Variants in ARHGAP15 observed in about 807,000 individuals in gnomAD.
ARHGAP15 encodes the protein Rho GTPase activating protein 15, also known as rho GTPase-activating protein 15.
Under a neutral mutation model 63.7 loss-of-function variants are expected in ARHGAP15, and 51 were observed. The ratio of observed to expected loss-of-function variants is 0.80; its 90% CI spans 0.64 to 1.01. The LOEUF (loss-of-function observed/expected upper bound fraction) is 1.01. ARHGAP15 is among the 50% of genes least tolerant of loss of function. The pLI, the probability that ARHGAP15 is intolerant of heterozygous loss-of-function variation, is 0.00. For synonymous variants in ARHGAP15, 191 were observed against 193.8 expected (o/e 0.99, Z 0.12); for missense variants, 560 against 564.6 (o/e 0.99, Z 0.08).
At chr2:143,249,013 G>T (rs1380069230) in intron 5 of ARHGAP15, among the ~76,000 whole-genome samples, 1 of 152,136 alleles carries the variant, frequency 6.6e-6, no homozygotes, top group Non-Finnish European at 1.5e-5. Flanking sequence ...GCATGTTGTT[G>T]TTAATTTTTC....
intron 12 of ARHGAP15, among the ~76,000 whole-genome samples, chr2:143,629,990 G>T (rs571666932): frequency 1.3e-5 from 2 of 152,070 alleles, no homozygotes; most frequent in East Asian, 1.9e-4. Context: ...ATATTGCCTT[G>T]AGCAATAGCT....
At chr2:143,750,444 GA>G (rs953527961) in intron 13 of ARHGAP15, among the ~76,000 whole-genome samples, 27 of 148,868 alleles carry the variant, frequency 1.8e-4, no homozygotes, top group East Asian at 3.9e-4. Flanking sequence ...TCAGTCTCAA[GA>G]AAAAAAAAAT....
Position 143,377,481 on chromosome 2 carries a change from A to ATAT in ARHGAP15, c.475-58118_475-58116dup, listed in dbSNP as rs1280119668. Among the ~76,000 whole-genome samples the ATAT allele has an allele frequency of 7.2e-5, 11 of 152,086 alleles. No homozygotes were observed. In the East Asian group the frequency reaches 2.1e-3, roughly 29 times the overall value. On this transcript the variant is annotated intron_variant, in intron 6 of 13. Transcript: ENST00000295095. The stretch of plus-strand genomic sequence containing the variant: ...ATTAAATATATTACATAAGAGTTAC[A>ATAT]TATTTTTCTGCCTTTATTTACCTTT...
rs577235214 is a variant in ARHGAP15 at position 143,601,879 on chromosome 2, G to A, written c.1004-22254G>A. On this transcript the variant is annotated intron_variant, in intron 11 of 13. Coordinates refer to ENST00000295095, the MANE Select transcript of ARHGAP15 (RefSeq NM_018460.4). ...CACTTAACAATGAACATTGACTACT[G>A]GATACTTAGCTTACCTTTTTTACAA... Among the ~76,000 whole-genome samples the A allele has an allele frequency of 7.2e-5, 11 of 152,062 alleles. 1 individual carries two copies. The South Asian group carries it at 2.1e-3, about 29-fold the overall frequency.
chr2:143,205,100 A>C (rs1400849108), intron 3 of ARHGAP15, among the ~76,000 whole-genome samples: 2 of 151,892 alleles, frequency 1.3e-5, no homozygotes, highest in Non-Finnish European at 2.9e-5. Context: ...CATCTTTACT[A>C]AAAATTAGTA....
chr2:143,710,343 T>C (rs1417089059), intron 13 of ARHGAP15, among the ~76,000 whole-genome samples: 2 of 152,262 alleles, frequency 1.3e-5, no homozygotes, highest in East Asian at 3.9e-4. Flanking sequence ...GCCTGGTAGT[T>C]AAGAAAATTA....
At chr2:143,396,111 C>A (rs140039831) in intron 6 of ARHGAP15, among the ~76,000 whole-genome samples, 16 of 151,746 alleles carry the variant, frequency 1.1e-4, no homozygotes, top group African/African-American at 3.9e-4. Flanking sequence ...GAGCAAATTT[C>A]TCTCTTAAAA....
chr2:143,261,729 G>A lies in ARHGAP15; in HGVS notation c.474+11129G>A, dbSNP rs7592448. Among the ~76,000 whole-genome samples the A allele has an allele frequency of 6.6e-3, 1,011 of 152,186 alleles. 14 individuals carry two copies. Among genetic ancestry groups the A allele is most frequent in the African/African-American group, 0.023 (951 of 41,516 alleles). ...CATATTTGCCTTCTGGCTTAGGCTAGGTTCCCCTGAAAGAAAAATTTGAGA... is the reference window on the plus strand; with the variant it reads ...CATATTTGCCTTCTGGCTTAGGCTAAGTTCCCCTGAAAGAAAAATTTGAGA... On this transcript the variant is annotated intron_variant, in intron 6 of 13. Transcript: ENST00000295095.
intron 6 of ARHGAP15, among the ~76,000 whole-genome samples, chr2:143,269,278 A>G (rs1472892912): frequency 6.6e-6 from 1 of 152,168 alleles, no homozygotes; most frequent in Non-Finnish European, 1.5e-5. Context: ...TTCAGAATTT[A>G]GATGATATTT....
At chr2:143,495,637 GTCAT>G (rs1692781698) in intron 9 of ARHGAP15, among the ~76,000 whole-genome samples, 1 of 152,080 alleles carries the variant, frequency 6.6e-6, no homozygotes, top group African/African-American at 2.4e-5. Context: ...AAAAAGATTT[GTCAT>G]TCAAACTGCA....
At chr2:143,176,126 G>A (rs925844800) in intron 2 of ARHGAP15, among the ~76,000 whole-genome samples, 2 of 152,126 alleles carry the variant, frequency 1.3e-5, no homozygotes, top group African/African-American at 4.8e-5. Flanking sequence ...GGTCATGTGA[G>A]GAAGAGAGAT....
chr2:143,642,710 A>G (rs987978530), intron 12 of ARHGAP15, among the ~76,000 whole-genome samples: 1 of 152,086 alleles, frequency 6.6e-6, no homozygotes, highest in Non-Finnish European at 1.5e-5. Context: ...AAGACAATAA[A>G]TGTTCTACAG....
At chr2:143,259,446 C>T (rs1349067046) in intron 6 of ARHGAP15, among the ~76,000 whole-genome samples, 2 of 152,130 alleles carry the variant, frequency 1.3e-5, no homozygotes, top group Non-Finnish European at 2.9e-5. Flanking sequence ...GAAAAAAATG[C>T]TGGCTTCATT....
At chr2:143,146,624 C>T (rs1558774309) in intron 1 of ARHGAP15, among the ~76,000 whole-genome samples, 1 of 152,018 alleles carries the variant, frequency 6.6e-6, no homozygotes, top group Admixed American at 6.6e-5. Context: ...CACACACACA[C>T]ATACACACAA....
At chr2:143,443,431 CT>C (rs199869305) in intron 8 of ARHGAP15, among the ~76,000 whole-genome samples, 12 of 58,106 alleles carry the variant, frequency 2.1e-4, no homozygotes, top group East Asian at 1.1e-3. Context: ...GTCACTCACC[CT>C]TTTTTTTTTT....
chr2:143,534,004 CCT>C (rs1371812451), intron 10 of ARHGAP15, among the ~76,000 whole-genome samples: 2 of 152,140 alleles, frequency 1.3e-5, no homozygotes, highest in African/African-American at 4.8e-5. Context: ...CCATCTGACA[CCT>C]CTCATCTCTC....
intron 12 of ARHGAP15, among the ~76,000 whole-genome samples, chr2:143,668,058 A>T (rs1476884933): frequency 2.0e-5 from 3 of 151,962 alleles, no homozygotes; most frequent in Non-Finnish European, 2.9e-5. Flanking sequence ...TTAAAAAAAA[A>T]AGTTGAAGGA....
chr2:143,227,711 T>C lies in ARHGAP15; in HGVS notation c.297-870T>C, dbSNP rs116696074. On this transcript the variant is annotated intron_variant, in intron 4 of 13. Transcript: ENST00000295095. ...CAGCATAGGGTTCATTATTCCATTA[T>C]ATGGACCTATTATATGCAATTTATT... Among the ~76,000 whole-genome samples the C allele has an allele frequency of 3.8e-3, 579 of 152,252 alleles. 7 individuals carry two copies. The highest frequency in any genetic ancestry group is 0.013 in the African/African-American group (549 of 41,558).
At chr2:143,200,821 T>C (rs914331343) in intron 2 of ARHGAP15, among the ~76,000 whole-genome samples, 6 of 152,068 alleles carry the variant, frequency 3.9e-5, no homozygotes, top group South Asian at 2.1e-4. Flanking sequence ...TGGTTACTAA[T>C]AGAAGACAAG....
Sources: gnomAD v4.1 joint callset for allele counts (sites outside exome capture counted in the v4.1 genomes callset) on GRCh38, gnomAD v4.1.1 for gene constraint, MANE v1.5 for transcripts, NCBI Gene and HGNC (gene_info 2026-07-23, HGNC 2026-07-21) for gene names.